Variants in L3MBTL4 observed in about 807,000 individuals in gnomAD.
L3MBTL4 encodes the protein lethal(3)malignant brain tumor-like protein 4.
L3MBTL4 carries 70 observed loss-of-function variants against 84.5 expected under a neutral mutation model. That is an observed-to-expected ratio of 0.83 (90% CI 0.68 to 1.01). L3MBTL4 has a LOEUF of 1.01. L3MBTL4 is among the 50% of genes least tolerant of loss of function. L3MBTL4 has a pLI of 0.00. For missense variants in L3MBTL4, 715 were observed against 754.8 expected (o/e 0.95, Z 0.62); for synonymous variants, 274 against 259.8 (o/e 1.05, Z -0.52).
chr18:6,373,238 T>C (rs550351424), intron 1 of L3MBTL4, among the ~76,000 whole-genome samples: 3 of 152,334 alleles, frequency 2.0e-5, no homozygotes, highest in African/African-American at 7.2e-5. Flanking sequence ...TGCTGGGAAC[T>C]GGAGAGCTTG....
intron 16 of L3MBTL4, among the ~76,000 whole-genome samples, chr18:6,069,433 GTT>G (rs993243634): frequency 6.8e-6 from 1 of 147,836 alleles, no homozygotes; most frequent in East Asian, 2.0e-4. Context: ...GGAAAGTGTT[GTT>G]TTTTTTTTTC....
At chr18:6,049,172 T>C (rs992454386) in intron 16 of L3MBTL4, among the ~76,000 whole-genome samples, 1 of 152,118 alleles carries the variant, frequency 6.6e-6, no homozygotes, top group Non-Finnish European at 1.5e-5. Context: ...GAAGAAGACC[T>C]AGGAAACACC....
chr18:6,054,543 C>T (rs1330231472), intron 16 of L3MBTL4, among the ~76,000 whole-genome samples: 3 of 152,314 alleles, frequency 2.0e-5, no homozygotes, highest in Non-Finnish European at 2.9e-5. Context: ...CCCTCGCCCC[C>T]GCCCCTTCCC....
intron 12 of L3MBTL4, among the ~76,000 whole-genome samples, chr18:6,199,611 A>G (rs1351212182): frequency 6.6e-6 from 1 of 152,196 alleles, no homozygotes; most frequent in African/African-American, 2.4e-5. Flanking sequence ...TTGCCATGAG[A>G]CGGGAAGAAA....
intron 14 of L3MBTL4, among the ~76,000 whole-genome samples, chr18:6,107,116 G>C (rs2059035162): frequency 6.6e-6 from 1 of 152,134 alleles, no homozygotes; most frequent in South Asian, 2.1e-4. Flanking sequence ...CATTAATAGT[G>C]CACATTATTT....
intron 1 of L3MBTL4, among the ~76,000 whole-genome samples, chr18:6,362,252 G>A (rs1054905959): frequency 2.0e-5 from 3 of 148,818 alleles, no homozygotes; most frequent in Admixed American, 1.3e-4. Flanking sequence ...AAAGGAAAGG[G>A]AAAGGAAAGG....
At position 6,213,189 on chromosome 18, in the gene L3MBTL4, C is replaced by G. The variant is rs1019580644; in HGVS notation, c.941G>C (p.Arg314Pro). The G allele has an allele frequency of 3.1e-6, 5 of 1,609,250 alleles. No homozygotes were observed. The highest frequency in any genetic ancestry group is 1.3e-5 in the African/African-American group (1 of 74,846). Residue 314 changes from arginine (R) to proline (P), a missense_variant, in exon 12 of 19, where the codon CGT becomes CCT. By Grantham distance (103) the Arg-to-Pro change is moderately radical (BLOSUM62 -2). Coordinates refer to ENST00000317931, the MANE Select transcript of L3MBTL4 (RefSeq NM_001330559.2). ...ATCAACATCTACAATCGTAGCAACA[C>G]GAATTAACCTGGGGTTCCGTTTATC... ...VVDKRNPRLIRVATIVDVDDQ... is the reference protein window; with the variant it reads ...VVDKRNPRLIPVATIVDVDDQ...
intron 13 of L3MBTL4, among the ~76,000 whole-genome samples, chr18:6,139,157 G>A (rs965434835): frequency 5.3e-5 from 8 of 152,002 alleles, no homozygotes; most frequent in Admixed American, 3.3e-4. Context: ...AGTACTATAC[G>A]CTACACTGTA....
intron 16 of L3MBTL4, among the ~76,000 whole-genome samples, chr18:6,004,349 G>T (rs568863774): frequency 3.3e-5 from 5 of 152,134 alleles, no homozygotes; most frequent in African/African-American, 1.2e-4. Context: ...AATCTGAATG[G>T]ACCTATAGCT....
At chr18:6,374,906 C>G (rs1396443846) in intron 1 of L3MBTL4, among the ~76,000 whole-genome samples, 2 of 152,186 alleles carry the variant, frequency 1.3e-5, no homozygotes, top group Admixed American at 1.3e-4. Context: ...AGAAGCAAAG[C>G]TTTCAATTAA....
chr18:6,139,212 T>A (rs1489518102), intron 13 of L3MBTL4, among the ~76,000 whole-genome samples: 3 of 152,136 alleles, frequency 2.0e-5, no homozygotes, highest in Non-Finnish European at 4.4e-5. Flanking sequence ...CACTACACCA[T>A]ACTATATGCT....
At chr18:6,238,520 GA>G (rs2047314727) in intron 9 of L3MBTL4, among the ~76,000 whole-genome samples, 1 of 151,948 alleles carries the variant, frequency 6.6e-6, no homozygotes. Context: ...GCAACAGAGC[GA>G]GATTCCATCT....
chr18:6,053,070 ATT>A (rs2056892261), intron 16 of L3MBTL4, among the ~76,000 whole-genome samples: 1 of 152,224 alleles, frequency 6.6e-6, no homozygotes, highest in Non-Finnish European at 1.5e-5. Context: ...GTGTCTTTCT[ATT>A]TTTAAATGGT....
At chr18:5,958,620 G>A (rs1249171442) in intron 18 of L3MBTL4, among the ~76,000 whole-genome samples, 1 of 152,170 alleles carries the variant, frequency 6.6e-6, no homozygotes, top group African/African-American at 2.4e-5. Context: ...CCAAGCTCAT[G>A]CAGCTTCTAA....
At chr18:6,175,412 T>G in intron 12 of L3MBTL4, among the ~76,000 whole-genome samples, 1 of 152,172 alleles carries the variant, frequency 6.6e-6, no homozygotes, top group East Asian at 1.9e-4. Context: ...ACTTATAGAT[T>G]TATACTGTAA....
intron 16 of L3MBTL4, among the ~76,000 whole-genome samples, chr18:6,072,965 A>T: frequency 7.2e-6 from 1 of 139,464 alleles, no homozygotes; most frequent in East Asian, 2.0e-4. Flanking sequence ...CTAAGTAATA[A>T]TTTAAAGAAG....
chr18:6,150,492 T>G (rs756233176), intron 13 of L3MBTL4, among the ~76,000 whole-genome samples: 2 of 152,074 alleles, frequency 1.3e-5, no homozygotes, highest in African/African-American at 2.4e-5. Context: ...CTAATTACAT[T>G]TCTCTCCATG....
chr18:6,403,375 A>G (rs1414288434), intron 1 of L3MBTL4, among the ~76,000 whole-genome samples: 1 of 152,202 alleles, frequency 6.6e-6, no homozygotes, highest in Non-Finnish European at 1.5e-5. Context: ...AATGCTGTTC[A>G]ATGACTCTCC....
At chr18:6,363,365 C>G (rs909166623) in intron 1 of L3MBTL4, among the ~76,000 whole-genome samples, 3 of 152,126 alleles carry the variant, frequency 2.0e-5, no homozygotes, top group African/African-American at 7.2e-5. Context: ...TCCAGGAAGC[C>G]CCGTGTCTTT....
Sources: gnomAD v4.1 joint callset for allele counts (sites outside exome capture counted in the v4.1 genomes callset) on GRCh38, gnomAD v4.1.1 for gene constraint, MANE v1.5 for transcripts, NCBI Gene and HGNC (gene_info 2026-07-23, HGNC 2026-07-21) for gene names.